Variants in OR5B2 observed in about 807,000 individuals in gnomAD.
OR5B2 encodes olfactory receptor family 5 subfamily B member 2, also known as olfactory receptor 5B2.
For synonymous variants in OR5B2, 163 were observed against 140.8 expected, an observed-to-expected ratio of 1.16 and a Z score of -1.11; for missense variants, 411 against 367.0, an observed-to-expected ratio of 1.12 and a Z score of -0.98.
Position 58,422,747 on chromosome 11 carries a change from A to G in OR5B2, c.515T>C (p.Val172Ala). The G allele has an allele frequency of 1.2e-6, 2 of 1,613,868 alleles. No individual in the cohort carries two copies. Among genetic ancestry groups the G allele is most frequent in the Non-Finnish European group, 1.7e-6 (2 of 1,179,886 alleles). The change falls in exon 3 of 3, where the codon GTA becomes GCA. Residue 172 changes from valine (V) to alanine (A), a missense_variant. Coordinates refer to ENST00000641342, the MANE Select transcript of OR5B2 (RefSeq NM_001005566.3). ...TGGAACATCACAGAAAAAGTGATGT[A>G]CCAGATTGGATTTACAGAAAGAGAG... ...FSLSFCKSNL[V>A]HHFFCDVPAV...
chr11:58,427,579 G>C (rs996819937), intron 1 of OR5B2, among the ~76,000 whole-genome samples: 13 of 152,236 alleles, frequency 8.5e-5, no homozygotes, highest in African/African-American at 3.1e-4. Flanking sequence ...CTTGGAAATA[G>C]CAAGTGGTGT....
chr11:58,422,783 C>T lies in OR5B2; in HGVS notation c.479G>A (p.Gly160Asp), dbSNP rs752911932. 6 of 1,613,584 alleles carry T rather than the reference C, an allele frequency of 3.7e-6. No individual in the cohort carries two copies. Among genetic ancestry groups the T allele is most frequent in the Non-Finnish European group, 4.2e-6 (5 of 1,179,866 alleles). The change falls in exon 3 of 3, where the codon GGC becomes GAC. Residue 160 changes from glycine to aspartate, a missense_variant. Gly to Asp is a moderately conservative substitution (Grantham distance 94, BLOSUM62 -1). Transcript: ENST00000641342. Reference sequence around the variant, plus strand: ...TTTACAGAAAGAGAGACTGAATATGCCCCCAATGTGGAATGAGGCATTTAG... The same window carrying T: ...TTTACAGAAAGAGAGACTGAATATGTCCCCAATGTGGAATGAGGCATTTAG... ...GFLNASFHIG[G>D]IFSLSFCKSN...
chr11:58,424,336 C>A (rs1211601356), intron 2 of OR5B2, among the ~76,000 whole-genome samples: 1 of 152,166 alleles, frequency 6.6e-6, no homozygotes, highest in Admixed American at 6.6e-5. Context: ...CTTATAGCCC[C>A]TTCTTCAATT....
chr11:58,422,320 A>T lies in OR5B2; in HGVS notation c.*12T>A. Reference sequence around the variant, plus strand: ...ACATTTTTGTGTATACAACAATGTTAAAATTCCAAACTTATAGAAATTTTT... The same window carrying T: ...ACATTTTTGTGTATACAACAATGTTTAAATTCCAAACTTATAGAAATTTTT... On this transcript the variant is annotated 3_prime_UTR_variant, in exon 3 of 3. Coordinates refer to ENST00000641342, the MANE Select transcript of OR5B2 (RefSeq NM_001005566.3). The T allele has an allele frequency of 6.4e-7, 1 of 1,570,308 alleles. No homozygotes were observed. Among genetic ancestry groups the T allele is most frequent in the Non-Finnish European group, 8.7e-7 (1 of 1,144,076 alleles).
At chr11:58,425,538 G>T (rs1855326580) in intron 2 of OR5B2, among the ~76,000 whole-genome samples, 1 of 151,726 alleles carries the variant, frequency 6.6e-6, no homozygotes, top group Admixed American at 6.6e-5. Flanking sequence ...TCTAAAATTG[G>T]AAATTCGGTC....
In OR5B2 at chr11:58,423,302, G is replaced by A; in HGVS notation, c.-28-13C>T. 8.0e-7 allele frequency: 1 copy of A among 1,247,310 alleles called. No individual in the cohort carries two copies. Among genetic ancestry groups the A allele is most frequent in the South Asian group, 1.5e-5 (1 of 66,664 alleles). The allele number at this position is 1,247,310 out of a possible 1,614,324, so 77.3% of individuals were successfully genotyped here. A position where few individuals can be genotyped will look rare whatever the true frequency, so the allele number is the denominator to read the frequency against. On this transcript the variant is annotated splice_polypyrimidine_tract_variant and intron_variant, in intron 2 of 2. Coordinates refer to ENST00000641342, the MANE Select transcript of OR5B2 (RefSeq NM_001005566.3). ...AACTTAAGATGACCTGTAGCAATGA[G>A]AAATAAAGCAATAGAGTGATAAACA... is the stretch of plus-strand genomic sequence containing the variant.
chr11:58,422,521 G>A lies in OR5B2; in HGVS notation c.741C>T (p.Ser247=), dbSNP rs150284257. Residue 247 remains serine (S), a synonymous_variant, in exon 3 of 3, where the codon TCC becomes TCT. Coordinates refer to ENST00000641342, the MANE Select transcript of OR5B2 (RefSeq NM_001005566.3). The part of the protein sequence containing the change: ...STCASHFTAV[S]VFYGTVIFIY... ...TGAAGATTACTGTCCCATAGAAGACGGAGACTGCAGTGAAGTGAGAGGCAC... is the reference window on the plus strand; with the variant it reads ...TGAAGATTACTGTCCCATAGAAGACAGAGACTGCAGTGAAGTGAGAGGCAC... The A allele has an allele frequency of 1.2e-4, 191 of 1,613,648 alleles. No homozygotes were observed. The highest frequency in any genetic ancestry group is 4.5e-4 in the African/African-American group (34 of 74,880).
Position 58,422,745 on chromosome 11 carries a change from G to T in OR5B2, c.517C>A (p.His173Asn). 1 of 1,613,808 alleles carries T rather than the reference G, an allele frequency of 6.2e-7. No homozygotes were observed. Among genetic ancestry groups the T allele is most frequent in the Non-Finnish European group, 8.5e-7 (1 of 1,179,874 alleles). Residue 173 changes from histidine to asparagine, a missense_variant, in exon 3 of 3, where the codon CAT (histidine) becomes AAT (asparagine). Physicochemically the swap from His to Asn is moderately conservative, Grantham distance 68. Transcript: ENST00000641342. ...SLSFCKSNLV[H>N]HFFCDVPAVM... ...GCTGGAACATCACAGAAAAAGTGAT[G>T]TACCAGATTGGATTTACAGAAAGAG...
rs1411860355 is a variant in OR5B2, at chr11:58,422,201, T to G, written c.*131A>C. The G allele has an allele frequency of 1.8e-6, 1 of 543,644 alleles. No individual in the cohort carries two copies. Among genetic ancestry groups the G allele is most frequent in the South Asian group, 3.3e-5 (1 of 30,708 alleles). The allele number at this position is 543,644 out of a possible 1,614,324, so 33.7% of individuals were successfully genotyped here. On this transcript the variant is annotated 3_prime_UTR_variant, in exon 3 of 3. Coordinates refer to ENST00000641342, the MANE Select transcript of OR5B2 (RefSeq NM_001005566.3). ...TTATTTTTATTAAAAAATTGACTTC[T>G]AAAGAGGTAAGAATATCACCTCATG...
At position 58,422,528 on chromosome 11, in the gene OR5B2, G is replaced by A. The variant is rs111747013; in HGVS notation, c.734C>T (p.Ala245Val). 6.2e-7 allele frequency: 1 copy of A among 1,613,684 alleles called. No homozygotes were observed. The highest frequency in any genetic ancestry group is 8.5e-7 in the Non-Finnish European group (1 of 1,179,872). ...TACTGTCCCATAGAAGACGGAGACT[G>A]CAGTGAAGTGAGAGGCACAGGTGGA... Reference protein sequence around the residue: ...ALSTCASHFTAVSVFYGTVIF... With the variant: ...ALSTCASHFTVVSVFYGTVIF... Residue 245 changes from alanine to valine, a missense_variant, in exon 3 of 3, where the codon GCA becomes GTA. By Grantham distance (64) the Ala-to-Val change is moderately conservative. Coordinates refer to ENST00000641342, the MANE Select transcript of OR5B2 (RefSeq NM_001005566.3).
intron 2 of OR5B2, 59 bp downstream of exon 2, chr11:58,426,563 A>G (rs1855340757): frequency 2.0e-5 from 3 of 152,174 alleles, no homozygotes; most frequent in South Asian, 2.1e-4. Context: ...GAACTTTTAT[A>G]TAACACATAT....
Position 58,423,059 on chromosome 11 carries a change from T to A in OR5B2, c.203A>T (p.Asp68Val). The change falls in exon 3 of 3, where the codon GAC becomes GTC. Residue 68 changes from aspartate (D) to valine (V), a missense_variant. By Grantham distance (152) the Asp-to-Val change is radical. Transcript: ENST00000641342. ...AGTGACAGCTGAGGAGTATCCAAAG[T>A]CCACCAGAGACAGGTTACTGAGGAA... ...YFFLSNLSLV[D>V]FGYSSAVTPK... 1.2e-6 allele frequency: 2 copies of A among 1,613,594 alleles called. No individual in the cohort carries two copies. Among genetic ancestry groups the A allele is most frequent in the Non-Finnish European group, 1.7e-6 (2 of 1,179,738 alleles).
rs1032808163 is a variant in OR5B2, at chr11:58,422,477, G to A, written c.785C>T (p.Ser262Phe). The change falls in exon 3 of 3, where the codon TCC (serine) becomes TTC (phenylalanine). Residue 262 changes from serine to phenylalanine, a missense_variant. Transcript: ENST00000641342. ...TTTGTCTGTGTCCATGGAGTGGCTG[G>A]AGCTGGGCTGCAAGTAGATGAAGAT... ...TVIFIYLQPSSSHSMDTDKMA... is the reference protein window; with the variant it reads ...TVIFIYLQPSFSHSMDTDKMA... The A allele has an allele frequency of 8.7e-6, 14 of 1,613,624 alleles. No homozygotes were observed. The South Asian group carries it at 1.3e-4, about 15-fold the overall frequency.
rs780754161 is a variant in OR5B2 at position 58,422,869 on chromosome 11, G to A, written c.393C>T (p.Thr131=). ...YAAVCKPLHY[T]TTMTASVGAC... ...CACCTACACTGGCCGTCATGGTGGT[G>A]GTGTAGTGTAGGGGTTTGCACACTG... The change falls in exon 3 of 3, where the codon ACC becomes ACT. Residue 131 remains threonine, a synonymous_variant. Coordinates refer to ENST00000641342, the MANE Select transcript of OR5B2 (RefSeq NM_001005566.3). 1 of 1,613,786 alleles carries A rather than the reference G, an allele frequency of 6.2e-7. No individual in the cohort carries two copies. The highest frequency in any genetic ancestry group is 1.1e-5 in the South Asian group (1 of 91,062).
chr11:58,421,606 A>T lies in OR5B2; in HGVS notation c.*726T>A, dbSNP rs966182964. 6.6e-6 allele frequency: 1 copy of T among 152,170 alleles called. No individual in the cohort carries two copies. Among genetic ancestry groups the T allele is most frequent in the African/African-American group, 2.4e-5 (1 of 41,460 alleles). The allele number at this position is 152,170 out of a possible 1,614,324, so 9.4% of individuals were successfully genotyped here. ...TCAATATGATACTATAATGATAAAT[A>T]GATGTCATTATACATTTATTCAAAT... On this transcript the variant is annotated 3_prime_UTR_variant, in exon 3 of 3. Transcript: ENST00000641342.
chr11:58,423,020 G>A lies in OR5B2; in HGVS notation c.242C>T (p.Ala81Val). 1 of 1,613,774 alleles carries A rather than the reference G, an allele frequency of 6.2e-7. No homozygotes were observed. Among genetic ancestry groups the A allele is most frequent in the African/African-American group, 1.3e-5 (1 of 75,008 alleles). ...YSSAVTPKVMAGFLRGDKVIS... is the reference protein window; with the variant it reads ...YSSAVTPKVMVGFLRGDKVIS... ...GACCTTGTCTCCTCTAAGGAACCCA[G>A]CCATGACCTTGGGAGTGACAGCTGA... The change falls in exon 3 of 3, where the codon GCT becomes GTT. Residue 81 changes from alanine to valine, a missense_variant. Physicochemically the swap from Ala to Val is moderately conservative, Grantham distance 64. Transcript: ENST00000641342.
chr11:58,427,749 A>G (rs1220987653), intron 1 of OR5B2, among the ~76,000 whole-genome samples: 1 of 152,178 alleles, frequency 6.6e-6, no homozygotes, highest in Non-Finnish European at 1.5e-5. Context: ...AGTGCTCCAC[A>G]ATACACATAC....
chr11:58,425,216 A>G (rs1337938577), intron 2 of OR5B2, among the ~76,000 whole-genome samples: 1 of 152,080 alleles, frequency 6.6e-6, no homozygotes, highest in African/African-American at 2.4e-5. Context: ...AAGCCTAACC[A>G]ATAGTGAATA....
chr11:58,427,568 A>T (rs1274987979), intron 1 of OR5B2, among the ~76,000 whole-genome samples: 1 of 152,176 alleles, frequency 6.6e-6, no homozygotes, highest in Non-Finnish European at 1.5e-5. Flanking sequence ...ATCCTTGCTC[A>T]CTTGGAAATA....
Sources: allele counts gnomAD v4.1 joint callset (sites outside exome capture counted in the v4.1 genomes callset), GRCh38; gene constraint gnomAD v4.1.1; transcripts MANE v1.5; gene names NCBI Gene and HGNC (gene_info 2026-07-23, HGNC 2026-07-21).